The following DLG2 variants were observed in gnomAD, a reference collection of about 807,000 sequenced individuals.
DLG2 encodes the protein disks large homolog 2.
Under a neutral mutation model 132.5 loss-of-function variants are expected in DLG2, and 45 were observed. The ratio of observed to expected loss-of-function variants is 0.34; its 90% CI spans 0.27 to 0.44. The LOEUF is 0.44. Among genes scored for constraint, DLG2 ranks in the 20% least tolerant of loss-of-function variants. The pLI, the probability that DLG2 is intolerant of heterozygous loss-of-function variation, is 1.00. For synonymous variants in DLG2, 424 were observed against 419.6 expected, an observed-to-expected ratio of 1.01 and a Z score of -0.13; for missense variants, 1,045 against 1,196.9, an observed-to-expected ratio of 0.87 and a Z score of 1.87.
chr11:84,010,184 A>T (rs1332091728), intron 11 of DLG2, among the ~76,000 whole-genome samples: 1 of 152,094 alleles, frequency 6.6e-6, no homozygotes, highest in East Asian at 1.9e-4. Flanking sequence ...ACTGTAACAC[A>T]CGTTGCTAAA....
At chr11:84,092,625 A>G (rs2097108879) in intron 10 of DLG2, among the ~76,000 whole-genome samples, 2 of 152,186 alleles carry the variant, frequency 1.3e-5, no homozygotes, top group East Asian at 3.9e-4. Flanking sequence ...GGAGGAAGTC[A>G]CTTCTCACTT....
chr11:85,252,734 A>G (rs886313348), intron 4 of DLG2, among the ~76,000 whole-genome samples: 3 of 152,218 alleles, frequency 2.0e-5, no homozygotes, highest in Non-Finnish European at 4.4e-5. Flanking sequence ...ATGTATTTAT[A>G]TATACAGAAT....
intron 17 of DLG2, among the ~76,000 whole-genome samples, chr11:83,831,145 T>G (rs1012774284): frequency 6.6e-6 from 1 of 152,182 alleles, no homozygotes; most frequent in Non-Finnish European, 1.5e-5. Flanking sequence ...TCATATAAGA[T>G]AGAGAATTTG....
intron 18 of DLG2, among the ~76,000 whole-genome samples, chr11:83,781,718 C>T (rs1174721670): frequency 6.6e-6 from 1 of 152,204 alleles, no homozygotes; most frequent in East Asian, 1.9e-4. Flanking sequence ...ACAGGGACCA[C>T]TTGGCTCTTA....
chr11:85,239,113 T>C (rs551660505), intron 4 of DLG2, among the ~76,000 whole-genome samples: 1 of 152,224 alleles, frequency 6.6e-6, no homozygotes, highest in Non-Finnish European at 1.5e-5. Context: ...TGCTGACATG[T>C]GCAATTTACT....
intron 6 of DLG2, among the ~76,000 whole-genome samples, chr11:84,538,453 TG>T (rs949473415): frequency 1.2e-4 from 19 of 152,362 alleles, no homozygotes; most frequent in African/African-American, 4.6e-4. Flanking sequence ...GAGTCATATT[TG>T]AACCCCAACT....
chr11:84,867,750 G>A (rs1356502151), intron 6 of DLG2, among the ~76,000 whole-genome samples: 10 of 152,138 alleles, frequency 6.6e-5, no homozygotes, highest in Non-Finnish European at 4.4e-5. Flanking sequence ...GGGTACCAGA[G>A]TAAACACAAA....
Position 83,745,830 on chromosome 11 carries a change from C to T in DLG2, c.1825+40860G>A, listed in dbSNP as rs139871721. Among the ~76,000 whole-genome samples the T allele has an allele frequency of 5.5e-4, 83 of 151,752 alleles. No individual in the cohort carries two copies. In the East Asian group the frequency reaches 0.014, roughly 25 times the overall value. On this transcript the variant is annotated intron_variant, in intron 18 of 27. Transcript: ENST00000376104. ...AAAAAAAAAATTTTTGCAATCTACT[C>T]ATCTGACAAAGGGCTAATATCCAGA...
chr11:83,699,599 A>G (rs1258407772), intron 18 of DLG2, among the ~76,000 whole-genome samples: 1 of 150,804 alleles, frequency 6.6e-6, no homozygotes, highest in East Asian at 1.9e-4. Context: ...AGTCCCAGTT[A>G]CTTGGGAGGC....
In DLG2 at chr11:83,779,007, G is replaced by C. The variant is rs867523225; in HGVS notation, c.1825+7683C>G. On this transcript the variant is annotated intron_variant, in intron 18 of 27. Coordinates refer to ENST00000376104, the MANE Select transcript of DLG2 (RefSeq NM_001142699.3). Reference sequence around the variant, plus strand: ...TGTACATGTGTGGGAGAGAGTTGTGGAGAAAGAAATGTCTAAGCAATAAAA... The same window carrying C: ...TGTACATGTGTGGGAGAGAGTTGTGCAGAAAGAAATGTCTAAGCAATAAAA... Among the ~76,000 whole-genome samples the C allele has an allele frequency of 1.2e-4, 19 of 152,132 alleles. No individual in the cohort carries two copies. In the South Asian group the frequency reaches 2.1e-3, roughly 17 times the overall value.
chr11:84,988,438 C>T (rs2056737351), intron 6 of DLG2, among the ~76,000 whole-genome samples: 1 of 152,094 alleles, frequency 6.6e-6, no homozygotes, highest in African/African-American at 2.4e-5. Context: ...GCAAAATTTG[C>T]AATTGCAAAA....
At chr11:85,297,880 G>A (rs1020807784) in intron 3 of DLG2, among the ~76,000 whole-genome samples, 2 of 152,122 alleles carry the variant, frequency 1.3e-5, no homozygotes, top group South Asian at 4.1e-4. Flanking sequence ...AGGCTAATAT[G>A]GGCTGTTGGA....
At chr11:85,606,672 A>G (rs1272581141) in intron 2 of DLG2, among the ~76,000 whole-genome samples, 1 of 152,066 alleles carries the variant, frequency 6.6e-6, no homozygotes, top group Non-Finnish European at 1.5e-5. Context: ...TTCACAATAA[A>G]TCTTGCTGCT....
At chr11:84,353,516 C>T (rs948805631) in intron 7 of DLG2, among the ~76,000 whole-genome samples, 1 of 152,150 alleles carries the variant, frequency 6.6e-6, no homozygotes, top group East Asian at 1.9e-4. Flanking sequence ...ACCCACACCT[C>T]CACGTCTCTA....
intron 18 of DLG2, chr11:83,721,088 G>A (rs1371489452): frequency 1.3e-5 from 2 of 152,132 alleles, no homozygotes; most frequent in Non-Finnish European, 2.9e-5. Context: ...TGTTCAAAGG[G>A]AGATTTTTAA....
At chr11:84,527,528 C>T (rs1420146129) in intron 7 of DLG2, among the ~76,000 whole-genome samples, 1 of 152,162 alleles carries the variant, frequency 6.6e-6, no homozygotes, top group African/African-American at 2.4e-5. Flanking sequence ...ACCTCACATA[C>T]TCCTAATTTC....
chr11:84,208,503 A>G (rs1216475996), intron 8 of DLG2, among the ~76,000 whole-genome samples: 2 of 151,722 alleles, frequency 1.3e-5, no homozygotes, highest in African/African-American at 2.4e-5. Flanking sequence ...GCCACCACAC[A>G]TGGCTAATTT....
intron 5 of DLG2, among the ~76,000 whole-genome samples, chr11:85,136,108 A>T (rs2076126504): frequency 6.6e-6 from 1 of 152,236 alleles, no homozygotes; most frequent in Non-Finnish European, 1.5e-5. Context: ...AAATACATCC[A>T]ATAAAAGTGC....
At chr11:84,623,162 A>G (rs538000010) in intron 6 of DLG2, among the ~76,000 whole-genome samples, 90 of 152,200 alleles carry the variant, frequency 5.9e-4, no homozygotes, top group African/African-American at 2.1e-3. Context: ...TGATGACTGG[A>G]TATATCCCAA....
Sources: allele counts gnomAD v4.1 joint callset (sites outside exome capture counted in the v4.1 genomes callset), GRCh38; gene constraint gnomAD v4.1.1; transcripts MANE v1.5; gene names NCBI Gene and HGNC (gene_info 2026-07-23, HGNC 2026-07-21).